Variants in FBN3 observed in about 807,000 individuals in gnomAD.
FBN3 encodes fibrillin 3.
Under a neutral mutation model 330.1 loss-of-function variants are expected in FBN3, and 234 were observed. That is an observed-to-expected ratio of 0.71 (90% CI 0.64 to 0.79). The LOEUF is 0.79. Among genes scored for constraint, FBN3 ranks in the 30% least tolerant of loss-of-function variants. The probability of loss-of-function intolerance (pLI) is 0.00; values close to 1 mark genes in which losing one functional copy is unlikely to be tolerated. For missense variants in FBN3, 3,606 were observed against 3,886.9 expected (o/e 0.93, Z 1.92); for synonymous variants, 1,458 against 1,517.3 (o/e 0.96, Z 0.91).
chr19:8,139,530 C>T (rs1463739511), intron 8 of FBN3, among the ~76,000 whole-genome samples: 1 of 151,894 alleles, frequency 6.6e-6, no homozygotes, highest in Non-Finnish European at 1.5e-5. Context: ...GGATACCAGG[C>T]AGGGACACGG....
chr19:8,114,555 T>TA (rs1261586833), intron 30 of FBN3, among the ~76,000 whole-genome samples: 1 of 152,012 alleles, frequency 6.6e-6, no homozygotes, highest in African/African-American at 2.4e-5. Flanking sequence ...GGCTAATTTT[T>TA]AAAATTTTTA....
chr19:8,080,881 C>T (rs2081762976), intron 59 of FBN3, 122 bp downstream of exon 59: 1 of 690,858 alleles, frequency 1.4e-6, no homozygotes, highest in East Asian at 2.8e-5. Flanking sequence ...TTCAGCTTTC[C>T]AAAGTGCTGG....
chr19:8,099,083 T>C (rs56756480), intron 41 of FBN3, among the ~76,000 whole-genome samples: 16,755 of 152,066 alleles, frequency 0.11, 1,233 homozygotes, highest in East Asian at 0.26. Flanking sequence ...TGTCAAGCAT[T>C]ACATCATTTA....
chr19:8,120,614 G>A (rs552421616), intron 25 of FBN3, among the ~76,000 whole-genome samples: 244 of 151,582 alleles, frequency 1.6e-3, no homozygotes, highest in African/African-American at 5.3e-3. Flanking sequence ...TCAGCCTCCC[G>A]AGTAGCACGC....
chr19:8,131,782 T>C lies in FBN3; in HGVS notation c.1762A>G (p.Thr588Ala), dbSNP rs780739075. ...CAGCGGAAGGAGCCCTCGGTGTTGG[T>C]ACAGTGGCCGTTCACGCAGATGCCG... is the stretch of plus-strand genomic sequence containing the variant. ...TPGICVNGHC[T>A]NTEGSFRCQC... The change falls in exon 15 of 64, where the codon ACC becomes GCC. Residue 588 changes from threonine to alanine, a missense_variant. Coordinates refer to ENST00000600128, the MANE Select transcript of FBN3 (RefSeq NM_032447.5). The surrounding 1 kb of genome is among the most constrained non-coding windows in gnomAD (Gnocchi z 4.5). The C allele has an allele frequency of 1.5e-5, 24 of 1,610,000 alleles. No homozygotes were observed. The Admixed American group carries it at 3.8e-4, about 26-fold the overall frequency.
At chr19:8,130,567 G>GGAAAGAAA (rs1387821551) in intron 16 of FBN3, among the ~76,000 whole-genome samples, 1 of 47,060 alleles carries the variant, frequency 2.1e-5, no homozygotes, top group African/African-American at 1.1e-4. Context: ...AGAGAGAGAA[G>GGAAAGAAA]GAAAGAAAGA....
At chr19:8,088,938 TTGAA>T (rs2082029367) in intron 51 of FBN3, among the ~76,000 whole-genome samples, 1 of 148,700 alleles carries the variant, frequency 6.7e-6, no homozygotes, top group Non-Finnish European at 1.5e-5. Context: ...GAGGGAGTGA[TTGAA>T]TGAACAAGTG....
At chr19:8,089,489 T>C in intron 51 of FBN3, 56 bp downstream of exon 51, 1 of 1,607,158 alleles carries the variant, frequency 6.2e-7, no homozygotes, top group Non-Finnish European at 8.5e-7. Context: ...CCTGCTCTGC[T>C]CCTTCCTGTC....
At position 8,097,413 on chromosome 19, in the gene FBN3, G is replaced by A. The variant is rs1470098736; in HGVS notation, c.5163C>T (p.Asp1721=). ...CGGGGATCTCCCCACACTCATCAAT[G>A]TCTGCAGAAGGCATCTGCCATCAGG... ...LTDIHTGKPL[D]IDECGEIPAI... is the part of the protein sequence containing the mutation. The change falls in exon 42 of 64, where the codon GAC becomes GAT. Residue 1721 remains aspartate, a splice_region_variant and synonymous_variant. Transcript: ENST00000600128. 1 of 1,585,532 alleles carries A rather than the reference G, an allele frequency of 6.3e-7. No homozygotes were observed. The highest frequency in any genetic ancestry group is 8.6e-7 in the Non-Finnish European group (1 of 1,156,670).
In FBN3 at chr19:8,123,916, A is replaced by G; in HGVS notation, c.2824T>C (p.Ser942Pro). 1 of 1,614,034 alleles carries G rather than the reference A, an allele frequency of 6.2e-7. No homozygotes were observed. The highest frequency in any genetic ancestry group is 8.5e-7 in the Non-Finnish European group (1 of 1,180,010). ...GKYRMDVCCC[S>P]IGAVWGVECE... ...TCGACTCCCCACACGGCCCCGATGG[A>G]GCAGCAGCAGACGTCCATCCGGTAC... Residue 942 changes from serine to proline, a missense_variant, in exon 23 of 64, where the codon TCC becomes CCC. By Grantham distance (74) the Ser-to-Pro change is moderately conservative. Coordinates refer to ENST00000600128, the MANE Select transcript of FBN3 (RefSeq NM_032447.5).
At chr19:8,100,344 T>C (rs7247355) in intron 41 of FBN3, among the ~76,000 whole-genome samples, 151,750 of 151,980 alleles carry the variant, frequency 1, 75,767 homozygotes, top group Middle Eastern at 1. Flanking sequence ...TGATACTTTC[T>C]CGGAGACAAA....
intron 21 of FBN3, 64 bp from the exon 22 acceptor site, chr19:8,126,081 C>T: frequency 6.2e-7 from 1 of 1,606,570 alleles, no homozygotes; most frequent in South Asian, 1.1e-5. Flanking sequence ...TGGCCATTCC[C>T]CTGGGGTCTC....
intron 59 of FBN3, among the ~76,000 whole-genome samples, chr19:8,078,791 C>CT (rs1555725584): frequency 0.016 from 2,297 of 141,298 alleles, 40 homozygotes; most frequent in Middle Eastern, 0.049. Flanking sequence ...CTCTCTCTCT[C>CT]TTTTTTTTTT....
intron 59 of FBN3, among the ~76,000 whole-genome samples, chr19:8,076,926 T>C (rs778688461): frequency 3.3e-5 from 5 of 152,096 alleles, no homozygotes; most frequent in Non-Finnish European, 5.9e-5. Flanking sequence ...CATGCCTGGC[T>C]AATTTTTGTA....
At chr19:8,090,309 CCT>C (rs2082066443) in intron 48 of FBN3, 58 bp from the exon 49 acceptor site, 9 of 1,592,028 alleles carry the variant, frequency 5.7e-6, no homozygotes, top group Non-Finnish European at 7.7e-6. Flanking sequence ...CCCACCTGCC[CCT>C]GTGACCTCCC....
Position 8,087,145 on chromosome 19 carries a change from A to G in FBN3, c.6686T>C (p.Ile2229Thr), listed in dbSNP as rs200895294. 190 of 1,610,474 alleles carry G rather than the reference A, an allele frequency of 1.2e-4. No homozygotes were observed. The highest frequency in any genetic ancestry group is 1.5e-4 in the Non-Finnish European group (178 of 1,179,380). Residue 2229 changes from isoleucine to threonine, a missense_variant, in exon 54 of 64, where the codon ATC (isoleucine) becomes ACC (threonine). Transcript: ENST00000600128. ...HARGMECKNL[I>T]GTFACVCPPG... ...GGGACAGACGCACGCGAAGGTACCG[A>G]TGAGGTTCTTGCACTCCATGCCCCG...
At chr19:8,130,515 AAAAG>A (rs1378483544) in intron 16 of FBN3, among the ~76,000 whole-genome samples, 4 of 135,896 alleles carry the variant, frequency 2.9e-5, no homozygotes, top group East Asian at 2.2e-4. Context: ...TGTCAAAAAA[AAAAG>A]AAAGAAAGAA....
At chr19:8,082,161 G>A (rs1370334935) in intron 57 of FBN3, among the ~76,000 whole-genome samples, 1 of 151,678 alleles carries the variant, frequency 6.6e-6, no homozygotes, top group Non-Finnish European at 1.5e-5. Context: ...AGTAGAGACG[G>A]TTTCATGATG....
At position 8,103,643 on chromosome 19, in the gene FBN3, T is replaced by C; in HGVS notation, c.4858A>G (p.Thr1620Ala). 6.2e-7 allele frequency: 1 copy of C among 1,613,728 alleles called. No individual in the cohort carries two copies. Among genetic ancestry groups the C allele is most frequent in the Middle Eastern group, 1.6e-4 (1 of 6,062 alleles). Residue 1620 changes from threonine to alanine, a missense_variant, in exon 39 of 64, where the codon ACC becomes GCC. By Grantham distance (58) the Thr-to-Ala change is moderately conservative. Transcript: ENST00000600128. ...TAGTTCCCCAGGGTGTTGTAGCAGGTGCCAGGGCCACAGATGCCGGAGTGT... is the reference window on the plus strand; with the variant it reads ...TAGTTCCCCAGGGTGTTGTAGCAGGCGCCAGGGCCACAGATGCCGGAGTGT... ...STHSGICGPGTCYNTLGNYTC... is the reference protein window; with the variant it reads ...STHSGICGPGACYNTLGNYTC...
Sources: gnomAD v4.1 joint callset for allele counts (sites outside exome capture counted in the v4.1 genomes callset) on GRCh38, gnomAD v4.1.1 for gene constraint, Gnocchi (gnomAD v3.1) non-coding constraint, MANE v1.5 for transcripts, NCBI Gene and HGNC (gene_info 2026-07-23, HGNC 2026-07-21) for gene names.